Variants in SPTY2D1 observed in about 807,000 individuals in gnomAD.
SPTY2D1 encodes SPT2 chromatin protein domain containing 1, also known as protein SPT2 homolog.
A neutral mutation model predicts 64.0 loss-of-function variants in SPTY2D1; 21 were observed. The observed-to-expected ratio is 0.33, with a 90% CI of 0.23 to 0.47. The LOEUF (loss-of-function observed/expected upper bound fraction) is 0.47, where lower values mean the gene tolerates loss of function less well. Ranked by LOEUF, SPTY2D1 falls within the 20% of genes least tolerant of loss-of-function variation. The pLI is 1.00. For synonymous variants in SPTY2D1, 287 were observed against 286.8 expected, an observed-to-expected ratio of 1.00 and a Z score of -0.01; for missense variants, 724 against 837.2, an observed-to-expected ratio of 0.86 and a Z score of 1.67.
intron 2 of SPTY2D1, among the ~76,000 whole-genome samples, chr11:18,616,341 C>T (rs1015242867): frequency 6.6e-6 from 1 of 152,126 alleles, no homozygotes; most frequent in African/African-American, 2.4e-5. Flanking sequence ...ATACTTCAAA[C>T]CAAATACATT....
intron 1 of SPTY2D1, among the ~76,000 whole-genome samples, chr11:18,617,625 C>CAA (rs71050616): frequency 0.042 from 2,800 of 66,278 alleles, 46 homozygotes; most frequent in South Asian, 0.061. Context: ...GACTCCGTCT[C>CAA]AAAAAAAAAA....
chr11:18,630,191 C>T (rs1448361583), intron 1 of SPTY2D1, among the ~76,000 whole-genome samples: 4 of 148,364 alleles, frequency 2.7e-5, no homozygotes, highest in African/African-American at 1.0e-4. Context: ...AAAAATAAAG[C>T]TCTGGCCGGG....
intron 1 of SPTY2D1, among the ~76,000 whole-genome samples, chr11:18,617,489 A>T (rs1854317843): frequency 6.6e-6 from 1 of 151,448 alleles, no homozygotes; most frequent in Non-Finnish European, 1.5e-5. Flanking sequence ...AGCTGGGCGT[A>T]GTGGCGGGTG....
chr11:18,632,162 A>G (rs1039367474), intron 1 of SPTY2D1, among the ~76,000 whole-genome samples: 28 of 152,008 alleles, frequency 1.8e-4, no homozygotes, highest in South Asian at 6.2e-4. Context: ...TAAAAAAAAA[A>G]AAAAAGAAGA....
rs572316263 is a variant in SPTY2D1, at chr11:18,615,916, C to T, written c.358G>A (p.Asp120Asn). ...TCTTCTTCCATTTCATACTCTCGGT[C>T]GGTTCCTTGGCTGGTATGGCTTTCT... The part of the protein sequence containing the change: ...ATESHTSQGT[D>N]REYEMEEENE... The change falls in exon 3 of 6, where the codon GAC (aspartate) becomes AAC (asparagine). Residue 120 changes from aspartate to asparagine, a missense_variant. Asp to Asn is a conservative substitution (Grantham distance 23, BLOSUM62 1). Coordinates refer to ENST00000336349, the MANE Select transcript of SPTY2D1 (RefSeq NM_194285.3). 28 of 1,614,114 alleles carry T rather than the reference C, an allele frequency of 1.7e-5. 1 individual carries two copies. The South Asian group carries it at 2.5e-4, about 15-fold the overall frequency.
chr11:18,625,068 G>A (rs1854474555), intron 1 of SPTY2D1, among the ~76,000 whole-genome samples: 1 of 152,188 alleles, frequency 6.6e-6, no homozygotes, highest in Non-Finnish European at 1.5e-5. Flanking sequence ...TGTTTCGACT[G>A]TAGAAAATAT....
intron 1 of SPTY2D1, among the ~76,000 whole-genome samples, chr11:18,624,189 G>T (rs1854460643): frequency 7.3e-6 from 1 of 136,396 alleles, no homozygotes; most frequent in Admixed American, 8.0e-5. Context: ...GCCCAGTGGA[G>T]AAACATTTTT....
At chr11:18,618,823 G>T (rs1176814458) in intron 1 of SPTY2D1, among the ~76,000 whole-genome samples, 4 of 152,206 alleles carry the variant, frequency 2.6e-5, no homozygotes, top group African/African-American at 9.6e-5. Context: ...AAATTAGTCT[G>T]CCAACAAAGC....
chr11:18,612,612 C>T lies in SPTY2D1; in HGVS notation c.1712-124G>A, dbSNP rs73424437. On this transcript the variant is annotated intron_variant, in intron 3 of 5. Transcript: ENST00000336349. This position sits in a 1 kb window ranked among gnomAD's most constrained non-coding sequence, Gnocchi z 4.6. ...TTAAAACCAGAGCAAGCAGGCTGGC[C>T]CTTAGCGCAGAGCCATCATCCTTGC... 13,132 of 804,702 alleles carry T rather than the reference C, an allele frequency of 0.016. 167 individuals carry two copies. Among genetic ancestry groups the T allele is most frequent in the African/African-American group, 0.041 (2,319 of 57,172 alleles). The allele number at this position is 804,702 out of a possible 1,614,324, so 49.8% of individuals were successfully genotyped here. A position where few individuals can be genotyped will look rare whatever the true frequency, so the allele number is the denominator to read the frequency against.
In SPTY2D1 at chr11:18,609,078, G is replaced by A. The variant is rs1002955747; in HGVS notation, c.*783C>T. On this transcript the variant is annotated 3_prime_UTR_variant, in exon 6 of 6. Coordinates refer to ENST00000336349, the MANE Select transcript of SPTY2D1 (RefSeq NM_194285.3). ...TGTTTGAATAAAATATTTTTTCTTC[G>A]ATATAAAAATGAATTTTTTTAGATA... 4.6e-5 allele frequency: 7 copies of A among 151,922 alleles called. No homozygotes were observed. In the South Asian group the frequency reaches 8.3e-4, roughly 18 times the overall value. The allele number at this position is 151,922 out of a possible 1,614,324, so 9.4% of individuals were successfully genotyped here. A position where few individuals can be genotyped will look rare whatever the true frequency, so the allele number is the denominator to read the frequency against.
intron 2 of SPTY2D1, 112 bp downstream of exon 2, chr11:18,616,759 ACACC>A: frequency 1.2e-6 from 1 of 842,228 alleles, no homozygotes; most frequent in Non-Finnish European, 1.9e-6. Flanking sequence ...ACACACACAC[ACACC>A]CTCCCAAATC....
rs1238717152 is a variant in SPTY2D1 at position 18,608,697 on chromosome 11, C to A, written c.*1164G>T. ...CTTGAAGGTTAAGGGCTATTAAGTC[C>A]ATATTTATGACTTTAAAAAGGGTAA... On this transcript the variant is annotated 3_prime_UTR_variant, in exon 6 of 6. Transcript: ENST00000336349. 1 of 152,342 alleles carries A rather than the reference C, an allele frequency of 6.6e-6. No individual in the cohort carries two copies. Among genetic ancestry groups the A allele is most frequent in the African/African-American group, 2.4e-5 (1 of 41,384 alleles). 9.4% of individuals were successfully genotyped at this position (152,342 alleles called of 1,614,324 possible).
chr11:18,609,886 C>A lies in SPTY2D1; in HGVS notation c.2033G>T (p.Arg678Met), dbSNP rs780374263. The change falls in exon 6 of 6, where the codon AGG becomes ATG. Residue 678 changes from arginine to methionine, a missense_variant. Physicochemically the swap from Arg to Met is moderately conservative, Grantham distance 91. This residue lies in a region of SPTY2D1 where 119 missense variants were observed against 172.9 expected (regional missense o/e 0.69). Coordinates refer to ENST00000336349, the MANE Select transcript of SPTY2D1 (RefSeq NM_194285.3). The stretch of plus-strand genomic sequence containing the variant: ...CTAACGCCTCTTCAGCTTCTTGGCC[C>A]TTCGACGTTGCATTTCTTCTTCTTC... ...RREEEEMQRR[R>M]AKKLKRR The A allele has an allele frequency of 6.2e-7, 1 of 1,614,072 alleles. No homozygotes were observed. The highest frequency in any genetic ancestry group is 8.5e-7 in the Non-Finnish European group (1 of 1,180,044).
chr11:18,623,913 G>T (rs1476626787), intron 1 of SPTY2D1, among the ~76,000 whole-genome samples: 1 of 152,124 alleles, frequency 6.6e-6, no homozygotes, highest in Non-Finnish European at 1.5e-5. Flanking sequence ...ATATTCCATT[G>T]TATAGATATA....
intron 1 of SPTY2D1, among the ~76,000 whole-genome samples, chr11:18,630,629 C>T (rs1854572867): frequency 6.6e-6 from 1 of 152,150 alleles, no homozygotes; most frequent in African/African-American, 2.4e-5. Flanking sequence ...AGCATTAGCT[C>T]TGATAGGTTC....
intron 3 of SPTY2D1, among the ~76,000 whole-genome samples, chr11:18,613,363 T>C (rs944414051): frequency 1.3e-5 from 2 of 152,264 alleles, no homozygotes; most frequent in African/African-American, 4.8e-5. Flanking sequence ...AACTACTTTC[T>C]AGTTTTTGAT....
Position 18,614,878 on chromosome 11 carries a change from C to G in SPTY2D1, c.1396G>C (p.Gly466Arg), listed in dbSNP as rs199738421. The G allele has an allele frequency of 4.8e-4, 781 of 1,613,574 alleles. No individual in the cohort carries two copies. The highest frequency in any genetic ancestry group is 6.2e-4 in the Non-Finnish European group (735 of 1,179,794). The change falls in exon 3 of 6, where the codon GGC becomes CGC. Residue 466 changes from glycine (G) to arginine (R), a missense_variant. Around this residue, in one of 3 missense-constraint regions of SPTY2D1, gnomAD observed 426 missense variants for 431.8 expected, o/e 0.99. Coordinates refer to ENST00000336349, the MANE Select transcript of SPTY2D1 (RefSeq NM_194285.3). ...ARPLGSSRGP[G>R]RPVSSPHELR... ...TCATGTGGACTGCTCACAGGCCGGC[C>G]AGGGCCACGAGAGCTGCCCAAGGGT...
rs570785018 is a variant in SPTY2D1 at position 18,608,699 on chromosome 11, T to C, written c.*1162A>G. On this transcript the variant is annotated 3_prime_UTR_variant, in exon 6 of 6. Coordinates refer to ENST00000336349, the MANE Select transcript of SPTY2D1 (RefSeq NM_194285.3). Reference sequence around the variant, plus strand: ...TGAAGGTTAAGGGCTATTAAGTCCATATTTATGACTTTAAAAAGGGTAAAA... The same window carrying C: ...TGAAGGTTAAGGGCTATTAAGTCCACATTTATGACTTTAAAAAGGGTAAAA... 1.3e-5 allele frequency: 2 copies of C among 152,616 alleles called. No homozygotes were observed. Among genetic ancestry groups the C allele is most frequent in the East Asian group, 3.9e-4 (2 of 5,188 alleles). The allele number at this position is 152,616 out of a possible 1,614,324, so 9.5% of individuals were successfully genotyped here. A position where few individuals can be genotyped will look rare whatever the true frequency, so the allele number is the denominator to read the frequency against.
chr11:18,610,027 TC>T, intron 5 of SPTY2D1, 73 bp from the exon 6 acceptor site: 1 of 1,369,106 alleles, frequency 7.3e-7, no homozygotes, highest in Non-Finnish European at 1.0e-6. Flanking sequence ...GAATGAAAAT[TC>T]CAACTGGGAG....
Sources: gnomAD v4.1 joint callset for allele counts (sites outside exome capture counted in the v4.1 genomes callset) on GRCh38, gnomAD v4.1.1 for gene constraint, gnomAD v4.1.1 regional missense constraint, Gnocchi (gnomAD v3.1) non-coding constraint, MANE v1.5 for transcripts, NCBI Gene and HGNC (gene_info 2026-07-23, HGNC 2026-07-21) for gene names.